Variants in NMBR observed in about 807,000 individuals in gnomAD.
NMBR encodes neuromedin-B receptor.
NMBR carries 16 observed loss-of-function variants against 20.5 expected under a neutral mutation model. The observed-to-expected ratio is 0.78, with a 90% CI of 0.53 to 1.19. The LOEUF is 1.19. NMBR is among the 50% of genes most tolerant of loss of function. NMBR has a pLI of 0.00. For synonymous variants in NMBR, 212 were observed against 196.6 expected (o/e 1.08, Z -0.65); for missense variants, 582 against 499.1 (o/e 1.17, Z -1.58).
chr6:142,079,058 A>G (rs1165004111), intron 2 of NMBR, among the ~76,000 whole-genome samples, 155 bp from the exon 3 acceptor site: 12 of 124,644 alleles, frequency 9.6e-5, no homozygotes, highest in African/African-American at 3.9e-4. Flanking sequence ...GAAAGAGAGA[A>G]AGAGAGAGAG....
intron 1 of NMBR, among the ~76,000 whole-genome samples, chr6:142,108,322 G>A (rs1254747634): frequency 1.3e-5 from 2 of 151,980 alleles, no homozygotes; most frequent in African/African-American, 4.8e-5. Flanking sequence ...AATAATAAAA[G>A]CAGCATGATA....
At chr6:142,109,224 T>G (rs1486101804) in intron 1 of NMBR, among the ~76,000 whole-genome samples, 2 of 152,092 alleles carry the variant, frequency 1.3e-5, no homozygotes, top group Non-Finnish European at 2.9e-5. Flanking sequence ...AGTGGCCCCC[T>G]TCTCATAGTT....
Position 142,140,277 on chromosome 6 carries a change from C to T in NMBR, c.-664+6767G>A, listed in dbSNP as rs184898392. Among the ~76,000 whole-genome samples, 328 of 152,076 alleles carry T rather than the reference C, an allele frequency of 2.2e-3. 2 individuals carry two copies. Among genetic ancestry groups the T allele is most frequent in the African/African-American group, 7.1e-3 (295 of 41,498 alleles). ...ATAAAATTGATAAACCTCGGCAAATCAAATCAAGTGTAGAAGTATACTATT... is the reference window on the plus strand; with the variant it reads ...ATAAAATTGATAAACCTCGGCAAATTAAATCAAGTGTAGAAGTATACTATT... On this transcript the variant is annotated intron_variant, in intron 1 of 3. Transcript: ENST00000258042.
At chr6:142,080,230 A>G (rs924850666) in intron 2 of NMBR, among the ~76,000 whole-genome samples, 1 of 149,914 alleles carries the variant, frequency 6.7e-6, no homozygotes, top group Non-Finnish European at 1.5e-5. Flanking sequence ...TTTGTTTCCT[A>G]TAAGTTTTTT....
At chr6:142,087,732 T>C (rs1023687651) in intron 2 of NMBR, among the ~76,000 whole-genome samples, 1 of 152,196 alleles carries the variant, frequency 6.6e-6, no homozygotes, top group African/African-American at 2.4e-5. Flanking sequence ...TTCTAAGAAA[T>C]AGTAAAATTC....
chr6:142,107,804 C>A (rs1324360102), intron 1 of NMBR, among the ~76,000 whole-genome samples: 1 of 151,706 alleles, frequency 6.6e-6, no homozygotes, highest in Non-Finnish European at 1.5e-5. Context: ...ATTTAAAAAA[C>A]TAAAGAACAC....
chr6:142,127,240 T>C (rs1230370280), intron 1 of NMBR, among the ~76,000 whole-genome samples: 1 of 151,974 alleles, frequency 6.6e-6, no homozygotes, highest in East Asian at 1.9e-4. Context: ...TGATTTGTTG[T>C]AGAAACTATC....
intron 1 of NMBR, among the ~76,000 whole-genome samples, chr6:142,098,002 C>T (rs1484251969): frequency 6.6e-6 from 1 of 151,768 alleles, no homozygotes; most frequent in Non-Finnish European, 1.5e-5. Flanking sequence ...ACAAAATATA[C>T]AGAGAAAATG....
rs201727010 is a variant in NMBR, at chr6:142,078,770, G to A, written c.556C>T (p.Arg186Cys). 232 of 1,613,850 alleles carry A rather than the reference G, an allele frequency of 1.4e-4. No homozygotes were observed. The South Asian group carries it at 1.7e-3, about 12-fold the overall frequency. ...VPEAVFSEVA[R>C]ISSLDNSSFT... The stretch of plus-strand genomic sequence containing the variant: ...CTGCTATTATCCAAGCTACTGATGC[G>A]AGCCACTTCTGAAAACACCGCTTCG... The change falls in exon 3 of 4, where the codon CGC becomes TGC. Residue 186 changes from arginine to cysteine, a missense_variant. Arg to Cys is a radical substitution (Grantham distance 180). Transcript: ENST00000258042.
Position 142,134,058 on chromosome 6 carries a change from C to T in NMBR, c.-664+12986G>A, listed in dbSNP as rs573282393. 13 of 652,950 alleles carry T rather than the reference C, an allele frequency of 2.0e-5. No individual in the cohort carries two copies. The East Asian group carries it at 3.3e-4, about 17-fold the overall frequency. The allele number at this position is 652,950 out of a possible 1,614,324, so 40.4% of individuals were successfully genotyped here. ...GTAAGTTTTTCTGTGTGCACATAAA[C>T]ATTAACTCTACAACAAACTCATTTT... On this transcript the variant is annotated intron_variant, in intron 1 of 3. Coordinates refer to ENST00000258042, the MANE Select transcript of NMBR (RefSeq NM_002511.4).
At chr6:142,142,069 G>C (rs1281393806) in intron 1 of NMBR, among the ~76,000 whole-genome samples, 1 of 152,138 alleles carries the variant, frequency 6.6e-6, no homozygotes, top group Non-Finnish European at 1.5e-5. Flanking sequence ...GAAACATCCT[G>C]AACAATGTTA....
At chr6:142,094,122 T>C (rs1461948395) in intron 1 of NMBR, among the ~76,000 whole-genome samples, 1 of 152,150 alleles carries the variant, frequency 6.6e-6, no homozygotes, top group East Asian at 1.9e-4. Context: ...CTGATGGTAG[T>C]TTCTTTTGCT....
chr6:142,082,731 C>T (rs1043524150), intron 2 of NMBR, among the ~76,000 whole-genome samples: 22 of 152,148 alleles, frequency 1.4e-4, no homozygotes, highest in African/African-American at 5.3e-4. Flanking sequence ...GGATAGTATC[C>T]AGAATCCAGC....
intron 1 of NMBR, among the ~76,000 whole-genome samples, chr6:142,096,623 T>C (rs1777457795): frequency 6.6e-6 from 1 of 152,150 alleles, no homozygotes; most frequent in Non-Finnish European, 1.5e-5. Flanking sequence ...AGGTGTGGTG[T>C]GGTGCTGAAA....
chr6:142,093,505 G>A (rs1777378478), intron 1 of NMBR, among the ~76,000 whole-genome samples: 1 of 151,716 alleles, frequency 6.6e-6, no homozygotes, highest in Admixed American at 6.6e-5. Context: ...TGGCTGCATA[G>A]TATTCCATGG....
At chr6:142,089,369 C>T (rs2114567802) in intron 1 of NMBR, 48 bp from the exon 2 acceptor site, 1 of 152,284 alleles carries the variant, frequency 6.6e-6, no homozygotes, top group Middle Eastern at 3.4e-3. Flanking sequence ...AAGAATGAAG[C>T]TCATAAATGA....
intron 2 of NMBR, among the ~76,000 whole-genome samples, chr6:142,079,147 GAA>G (rs1777040087): frequency 1.2e-5 from 1 of 86,782 alleles, no homozygotes; most frequent in South Asian, 3.5e-4. Flanking sequence ...GAAAGAAAAA[GAA>G]GAGAGGAGAG....
intron 1 of NMBR, among the ~76,000 whole-genome samples, chr6:142,093,831 T>A (rs1271572391): frequency 6.6e-6 from 1 of 152,166 alleles, no homozygotes; most frequent in Non-Finnish European, 1.5e-5. Context: ...CCTGACTTTT[T>A]AATGACTGCC....
intron 1 of NMBR, among the ~76,000 whole-genome samples, chr6:142,097,866 A>G (rs1000749581): frequency 3.0e-4 from 46 of 152,272 alleles, no homozygotes; most frequent in African/African-American, 1.0e-3. Flanking sequence ...ACATAAAAAG[A>G]CATACATTAA....
Sources: gnomAD v4.1 joint callset for allele counts (sites outside exome capture counted in the v4.1 genomes callset) on GRCh38, gnomAD v4.1.1 for gene constraint, MANE v1.5 for transcripts, NCBI Gene and HGNC (gene_info 2026-07-23, HGNC 2026-07-21) for gene names.